ABCG1: variants seen among roughly 807,000 people sequenced by gnomAD.
The protein encoded by ABCG1 is ATP binding cassette subfamily G member 1.
ABCG1 carries 29 observed loss-of-function variants against 69.2 expected under a neutral mutation model. That is an observed-to-expected ratio of 0.42 (90% CI 0.31 to 0.57). The LOEUF (loss-of-function observed/expected upper bound fraction) is 0.57. Among genes scored for constraint, ABCG1 ranks in the 20% least tolerant of loss-of-function variants. ABCG1 has a pLI of 0.15. For synonymous variants in ABCG1, 370 were observed against 374.8 expected, an observed-to-expected ratio of 0.99 and a Z score of 0.15; for missense variants, 718 against 898.1, an observed-to-expected ratio of 0.80 and a Z score of 2.56.
At chr21:42,233,599 T>C (rs1048422986) in intron 2 of ABCG1, among the ~76,000 whole-genome samples, 1 of 152,166 alleles carries the variant, frequency 6.6e-6, no homozygotes, top group Non-Finnish European at 1.5e-5. Flanking sequence ...TGAAATAAGC[T>C]CACAAATCAA....
intron 1 of ABCG1, among the ~76,000 whole-genome samples, chr21:42,220,239 C>T (rs1395132636): frequency 6.6e-6 from 1 of 152,196 alleles, no homozygotes; most frequent in African/African-American, 2.4e-5. Flanking sequence ...GTATTCCACG[C>T]CGTGTATCTG....
intron 1 of ABCG1, among the ~76,000 whole-genome samples, chr21:42,200,088 C>T (rs573222406): frequency 1.2e-4 from 18 of 152,186 alleles, no homozygotes; most frequent in African/African-American, 3.1e-4. Flanking sequence ...TCAGAGCCCA[C>T]GACATGAGGG....
intron 3 of ABCG1, among the ~76,000 whole-genome samples, chr21:42,272,405 T>G (rs565324974): frequency 6.6e-6 from 1 of 152,202 alleles, no homozygotes; most frequent in Non-Finnish European, 1.5e-5. Context: ...GGGAAGCCAG[T>G]TGACCCCAGC....
Position 42,287,988 on chromosome 21 carries a change from G to T in ABCG1, c.1073G>T (p.Gly358Val). The T allele has an allele frequency of 6.2e-7, 1 of 1,613,622 alleles. No homozygotes were observed. Among genetic ancestry groups the T allele is most frequent in the Non-Finnish European group, 8.5e-7 (1 of 1,179,684 alleles). The change falls in exon 9 of 15, where the codon GGG (glycine) becomes GTG (valine). Residue 358 changes from glycine to valine, a missense_variant. This residue lies in a region of ABCG1 where 514 missense variants were observed against 574.3 expected (regional missense o/e 0.90). Coordinates refer to ENST00000398449, the MANE Select transcript of ABCG1 (RefSeq NM_016818.3). This position sits in a 1 kb window ranked among gnomAD's most constrained non-coding sequence, Gnocchi z 6.2. The part of the protein sequence containing the change: ...MCDSDHKRDL[G>V]GDAEVNPFLW... ...GACTCAGACCACAAGAGAGACCTCG[G>T]GGGTGATGCCGAGGTGAACCCTTTT...
upstream of ABCG1, among the ~76,000 whole-genome samples, chr21:42,211,943 CG>C (rs1302933440): frequency 1.3e-4 from 19 of 151,966 alleles, no homozygotes; most frequent in South Asian, 2.1e-4. Context: ...AAAAGAGATG[CG>C]GTCCTTGGGA....
chr21:42,239,911 C>T lies in ABCG1; in HGVS notation c.286+13997C>T, dbSNP rs545784623. 2.0e-3 allele frequency among the ~76,000 whole-genome samples: 309 copies of T among 152,346 alleles called. 1 individual carries two copies. The highest frequency in any genetic ancestry group is 7.1e-3 in the African/African-American group (297 of 41,586). Reference sequence around the variant, plus strand: ...CTAGCTGGGCAAGGGGCCTAAGCTCCGGAAGGTTCCCCTTTGGTCATTTTT... The same window carrying T: ...CTAGCTGGGCAAGGGGCCTAAGCTCTGGAAGGTTCCCCTTTGGTCATTTTT... On this transcript the variant is annotated intron_variant, in intron 2 of 14. Coordinates refer to ENST00000398449, the MANE Select transcript of ABCG1 (RefSeq NM_016818.3).
chr21:42,219,798 G>C lies in ABCG1; in HGVS notation c.42+494G>C, dbSNP rs2067691942. On this transcript the variant is annotated intron_variant, in intron 1 of 14. Transcript: ENST00000398449. The surrounding 1 kb of genome is among the most constrained non-coding windows in gnomAD (Gnocchi z 5.3). ...AGGCAAGGTCTGGGGGAACAAAAGA[G>C]GAAGCTGCCCCCAGAGAGCCGGAGC... The C allele has an allele frequency of 1.4e-6, 2 of 1,427,924 alleles. No homozygotes were observed. Among genetic ancestry groups the C allele is most frequent in the African/African-American group, 2.9e-5 (2 of 69,016 alleles). The allele number at this position is 1,427,924 out of a possible 1,614,324, so 88.5% of individuals were successfully genotyped here.
chr21:42,217,679 CTTTTTTTTTTTTTT>C (rs71190409), upstream of ABCG1, among the ~76,000 whole-genome samples: 4 of 61,638 alleles, frequency 6.5e-5, no homozygotes, highest in Middle Eastern at 0.014. Context: ...TGGATCTACT[CTTTTTTTTTTTTTT>C]TTTTTTTTTT....
intron 2 of ABCG1, among the ~76,000 whole-genome samples, chr21:42,251,639 G>A (rs763310535): frequency 2.0e-5 from 3 of 151,876 alleles, no homozygotes; most frequent in Non-Finnish European, 4.4e-5. Context: ...AAGTGGAGGC[G>A]AGGCGGGGGG....
chr21:42,241,739 C>A (rs1028641770), intron 2 of ABCG1, among the ~76,000 whole-genome samples: 1 of 151,666 alleles, frequency 6.6e-6, no homozygotes, highest in Non-Finnish European at 1.5e-5. Flanking sequence ...GTAATTCCAG[C>A]ACCTTGTGGG....
intron 2 of ABCG1, among the ~76,000 whole-genome samples, chr21:42,245,955 T>C (rs4148117): frequency 0.43 from 64,666 of 151,722 alleles, 13,928 homozygotes; most frequent in Middle Eastern, 0.49. Context: ...CTTCCCTTCT[T>C]CCTCGGAATG....
intron 2 of ABCG1, among the ~76,000 whole-genome samples, chr21:42,252,494 C>T (rs1026356919): frequency 3.3e-5 from 5 of 152,112 alleles, no homozygotes; most frequent in Non-Finnish European, 1.5e-5. Flanking sequence ...GCCAGGGCCG[C>T]CGGGCAGCTG....
At chr21:42,240,385 C>A (rs1426576688) in intron 2 of ABCG1, among the ~76,000 whole-genome samples, 1 of 152,228 alleles carries the variant, frequency 6.6e-6, no homozygotes, top group Non-Finnish European at 1.5e-5. Flanking sequence ...AGGGCCATGG[C>A]CCTTTTCAGT....
chr21:42,206,190 A>T (rs1249399919), intron 2 of ABCG1, among the ~76,000 whole-genome samples: 1 of 152,022 alleles, frequency 6.6e-6, no homozygotes, highest in Non-Finnish European at 1.5e-5. Context: ...TCTCTACTAA[A>T]AGTACAAGAA....
chr21:42,232,563 C>T (rs2067916280), intron 2 of ABCG1, among the ~76,000 whole-genome samples: 1 of 152,214 alleles, frequency 6.6e-6, no homozygotes, highest in Non-Finnish European at 1.5e-5. Flanking sequence ...CTGGCCCCTT[C>T]AGTGCAACTC....
chr21:42,243,447 CGTGTGTGTGTGTGTGTGTGTGTGTGTGT>C (rs869095111), intron 2 of ABCG1, among the ~76,000 whole-genome samples: 1 of 81,512 alleles, frequency 1.2e-5, no homozygotes, highest in Non-Finnish European at 2.4e-5. Context: ...TGTGTGTGCG[CGTGTGTGTGTGTGTGTGTGTGTGTGTGT>C]GTGTGTGTGT....
Position 42,219,614 on chromosome 21 carries a change from G to A in ABCG1, c.42+310G>A, listed in dbSNP as rs1163983311. ...ATGGCCTTGACCTGATGGCTTCTGGGCGGGGGGCGTGGGGAGCTGGGGACC... is the reference window on the plus strand; with the variant it reads ...ATGGCCTTGACCTGATGGCTTCTGGACGGGGGGCGTGGGGAGCTGGGGACC... On this transcript the variant is annotated intron_variant, in intron 1 of 14. Transcript: ENST00000398449. The surrounding 1 kb of genome is among the most constrained non-coding windows in gnomAD (Gnocchi z 5.3). 6.6e-6 allele frequency among the ~76,000 whole-genome samples: 1 copy of A among 152,168 alleles called. No individual in the cohort carries two copies. The highest frequency in any genetic ancestry group is 1.5e-5 in the Non-Finnish European group (1 of 68,030).
chr21:42,286,505 C>T (rs889183300), intron 8 of ABCG1, among the ~76,000 whole-genome samples: 19 of 152,202 alleles, frequency 1.2e-4, no homozygotes, highest in African/African-American at 3.9e-4. Flanking sequence ...TGTTCACGGA[C>T]GTGCCTCTCA....
At chr21:42,293,609 C>CCACACACTACACACACAT (rs746865534) in intron 13 of ABCG1, among the ~76,000 whole-genome samples, 1 of 139,198 alleles carries the variant, frequency 7.2e-6, no homozygotes, top group Non-Finnish European at 1.6e-5. Context: ...ACAGTACACA[C>CCACACACTACACACACAT]CACACTACAC....
Sources: allele counts gnomAD v4.1 joint callset (sites outside exome capture counted in the v4.1 genomes callset), GRCh38; gene constraint gnomAD v4.1.1; regional missense constraint gnomAD v4.1.1; non-coding constraint Gnocchi (gnomAD v3.1); transcripts MANE v1.5; gene names NCBI Gene and HGNC (gene_info 2026-07-23, HGNC 2026-07-21).